The following FAM193A variants were observed in gnomAD, a reference collection of about 807,000 sequenced individuals.
FAM193A encodes the protein protein FAM193A.
Under a neutral mutation model 126.5 loss-of-function variants are expected in FAM193A, and 22 were observed. That is an observed-to-expected ratio of 0.17 (90% CI 0.12 to 0.25). The LOEUF is 0.25. FAM193A is among the 10% of genes least tolerant of loss of function. The pLI, the probability that FAM193A is intolerant of heterozygous loss-of-function variation, is 1.00. For synonymous variants in FAM193A, 761 were observed against 646.8 expected, an observed-to-expected ratio of 1.18 and a Z score of -2.68; for missense variants, 1,675 against 1,672.8, an observed-to-expected ratio of 1.00 and a Z score of -0.02.
intron 1 of FAM193A, among the ~76,000 whole-genome samples, chr4:2,571,727 AC>A (rs2108859906): frequency 1.3e-5 from 2 of 151,818 alleles, no homozygotes; most frequent in East Asian, 4.0e-4. Context: ...TTTAGTAGAG[AC>A]AGAGTTTCGC....
chr4:2,595,932 A>G (rs1161085685), intron 1 of FAM193A, among the ~76,000 whole-genome samples, 152 bp from the exon 2 acceptor site: 2 of 152,212 alleles, frequency 1.3e-5, no homozygotes, highest in African/African-American at 4.8e-5. Context: ...TTTCTAGAAC[A>G]TTAGGTTTAG....
At chr4:2,708,831 G>C (rs1303761337) in intron 19 of FAM193A, among the ~76,000 whole-genome samples, 1 of 151,896 alleles carries the variant, frequency 6.6e-6, no homozygotes. Context: ...TGATTCTCTG[G>C]GGTTTTCCAG....
At chr4:2,634,950 A>T (rs983215813) in intron 5 of FAM193A, among the ~76,000 whole-genome samples, 2 of 152,158 alleles carry the variant, frequency 1.3e-5, no homozygotes, top group African/African-American at 4.8e-5. Context: ...TGACTTCATT[A>T]TGCCTTCTTT....
At chr4:2,556,139 G>A (rs545557659) in intron 1 of FAM193A, among the ~76,000 whole-genome samples, 15 of 150,964 alleles carry the variant, frequency 9.9e-5, no homozygotes, top group Middle Eastern at 3.5e-3. Context: ...CAGGTGATCC[G>A]TCCGCCTTGG....
chr4:2,659,441 C>A, intron 8 of FAM193A, 117 bp from the exon 9 acceptor site: 2 of 731,084 alleles, frequency 2.7e-6, no homozygotes, highest in Non-Finnish European at 4.7e-6. Flanking sequence ...TGGTCCTGTC[C>A]CGCTGAGGAA....
chr4:2,630,570 A>C (rs775273083), intron 4 of FAM193A, among the ~76,000 whole-genome samples: 2 of 152,226 alleles, frequency 1.3e-5, no homozygotes, highest in Non-Finnish European at 1.5e-5. Flanking sequence ...GAGAAGTGGT[A>C]GCGTGCTCTT....
intron 19 of FAM193A, among the ~76,000 whole-genome samples, chr4:2,713,547 G>A (rs1719228206): frequency 6.6e-6 from 1 of 152,264 alleles, no homozygotes; most frequent in Non-Finnish European, 1.5e-5. Context: ...GGCATTAGGG[G>A]GTCCTCTGAC....
chr4:2,677,695 C>T (rs913319536), intron 13 of FAM193A, among the ~76,000 whole-genome samples: 4 of 149,222 alleles, frequency 2.7e-5, no homozygotes, highest in East Asian at 3.9e-4. Context: ...GAGCCAAGAT[C>T]GCGCCATTGC....
At chr4:2,566,051 C>CTTTTTTTT (rs564664549) in intron 1 of FAM193A, among the ~76,000 whole-genome samples, 1,593 of 142,554 alleles carry the variant, frequency 0.011, 50 homozygotes, top group African/African-American at 0.039. Flanking sequence ...TGGAAAATTG[C>CTTTTTTTT]TTTTTTTTTT....
At chr4:2,661,709 G>A (rs534726729) in intron 10 of FAM193A, among the ~76,000 whole-genome samples, 20 of 152,280 alleles carry the variant, frequency 1.3e-4, no homozygotes, top group African/African-American at 4.3e-4. Flanking sequence ...AGATCACGAC[G>A]AGTTCCTAGG....
intron 1 of FAM193A, among the ~76,000 whole-genome samples, chr4:2,546,241 C>T (rs1437709757): frequency 6.6e-6 from 1 of 152,010 alleles, no homozygotes; most frequent in Non-Finnish European, 1.5e-5. Context: ...GTCCTCCTAC[C>T]TTGGCCTCCC....
In FAM193A at chr4:2,627,159, CT is replaced by C. The variant is rs11385994; in HGVS notation, c.803+601del. 9.4e-3 allele frequency among the ~76,000 whole-genome samples: 1,191 copies of C among 126,262 alleles called. 12 individuals are homozygous for C. The highest frequency in any genetic ancestry group is 0.028 in the African/African-American group (959 of 33,764). 82.8% of individuals were successfully genotyped at this position (126,262 alleles called of 152,430 possible). ...TATTCTTCCTTATAGTTTGATGTAA[CT>C]TTTTTTTTTTTTTTTTTTGAGATGG... On this transcript the variant is annotated intron_variant, in intron 4 of 20. Coordinates refer to ENST00000637812, the MANE Select transcript of FAM193A (RefSeq NM_001366318.2).
chr4:2,589,539 AT>A (rs1333368869), intron 1 of FAM193A, among the ~76,000 whole-genome samples: 1 of 152,250 alleles, frequency 6.6e-6, no homozygotes, highest in Non-Finnish European at 1.5e-5. Flanking sequence ...CAGCCTTGAA[AT>A]TATAAATTGC....
chr4:2,732,121 C>T lies in FAM193A; in HGVS notation c.*253C>T. On this transcript the variant is annotated 3_prime_UTR_variant, in exon 21 of 21. Coordinates refer to ENST00000637812, the MANE Select transcript of FAM193A (RefSeq NM_001366318.2). ...TTGGAACAGTAGTTCCCGCCAAGTC[C>T]TCCCACCACCGCGGCCTCGGAGGCC... 1 of 518,606 alleles carries T rather than the reference C, an allele frequency of 1.9e-6. No homozygotes were observed. Among genetic ancestry groups the T allele is most frequent in the Non-Finnish European group, 3.5e-6 (1 of 285,672 alleles). 32.1% of individuals were successfully genotyped at this position (518,606 alleles called of 1,614,324 possible).
intron 19 of FAM193A, among the ~76,000 whole-genome samples, chr4:2,700,935 A>C (rs192020297): frequency 6.6e-6 from 1 of 152,226 alleles, no homozygotes; most frequent in Non-Finnish European, 1.5e-5. Context: ...GTTGCACTCC[A>C]GCGTGGGTGA....
chr4:2,540,939 C>T (rs530959854), intron 1 of FAM193A, among the ~76,000 whole-genome samples: 6 of 144,268 alleles, frequency 4.2e-5, no homozygotes, highest in South Asian at 2.2e-4. Flanking sequence ...CTAGCCTGGG[C>T]GACAGTGCAA....
rs1716689701 is a variant in FAM193A at position 2,693,734 on chromosome 4, C to A, written c.2952C>A (p.His984Gln). The change falls in exon 16 of 21, where the codon CAC (histidine) becomes CAA (glutamine). Residue 984 changes from histidine to glutamine, a missense_variant. Coordinates refer to ENST00000637812, the MANE Select transcript of FAM193A (RefSeq NM_001366318.2). ...CGCTCTCACCTGCCTCCACACCTCA[C>A]CTTGCAAATCTTGCAGCCCCATCAT... ...PAALSPASTPHLANLAAPSFP... is the reference protein window; with the variant it reads ...PAALSPASTPQLANLAAPSFP... 6.2e-7 allele frequency: 1 copy of A among 1,614,052 alleles called. No homozygotes were observed. The highest frequency in any genetic ancestry group is 8.5e-7 in the Non-Finnish European group (1 of 1,179,992).
chr4:2,582,686 C>G (rs1275131547), intron 1 of FAM193A, among the ~76,000 whole-genome samples: 1 of 151,494 alleles, frequency 6.6e-6, no homozygotes, highest in Admixed American at 6.6e-5. Flanking sequence ...ATTTCTTCTG[C>G]TGTTTAGAGT....
chr4:2,589,254 G>A (rs934912594), intron 1 of FAM193A, among the ~76,000 whole-genome samples: 1 of 152,218 alleles, frequency 6.6e-6, no homozygotes, highest in Non-Finnish European at 1.5e-5. Flanking sequence ...ATACCACTAT[G>A]CCTTCATTAA....
Sources: gnomAD v4.1 joint callset for allele counts (sites outside exome capture counted in the v4.1 genomes callset) on GRCh38, gnomAD v4.1.1 for gene constraint, MANE v1.5 for transcripts, NCBI Gene and HGNC (gene_info 2026-07-23, HGNC 2026-07-21) for gene names.